Variants in TBC1D23 observed in about 807,000 individuals in gnomAD.
TBC1D23 encodes the protein TBC1 domain family member 23, also known as HCV non-structural protein 4A-transactivated protein 1.
Under a neutral mutation model 91.4 loss-of-function variants are expected in TBC1D23, and 55 were observed. The ratio of observed to expected loss-of-function variants is 0.60; its 90% confidence interval spans 0.48 to 0.75. The LOEUF (loss-of-function observed/expected upper bound fraction) is 0.75. Among genes scored for constraint, TBC1D23 ranks in the 30% least tolerant of loss-of-function variants. TBC1D23 has a pLI of 0.00. For synonymous variants in TBC1D23, 289 were observed against 281.0 expected (o/e 1.03, Z -0.28); for missense variants, 725 against 836.1 (o/e 0.87, Z 1.64).
At chr3:100,261,210 C>A in intron 1 of TBC1D23, 139 bp downstream of exon 1, 1 of 769,572 alleles carries the variant, frequency 1.3e-6, no homozygotes, top group Non-Finnish European at 2.1e-6. Context: ...CTGCCCTACC[C>A]CTCTGCCAGC....
At chr3:100,314,294 C>T (rs1302672533) in intron 15 of TBC1D23, among the ~76,000 whole-genome samples, 1 of 151,896 alleles carries the variant, frequency 6.6e-6, no homozygotes, top group African/African-American at 2.4e-5. Context: ...GACGGGGTTT[C>T]ACCATGTTAG....
At chr3:100,265,339 A>G (rs974046058) in intron 1 of TBC1D23, among the ~76,000 whole-genome samples, 2 of 152,226 alleles carry the variant, frequency 1.3e-5, no homozygotes, top group African/African-American at 2.4e-5. Flanking sequence ...TGGAAAGCCA[A>G]AGTAATCAGA....
At chr3:100,293,426 C>T (rs2067810478) in intron 5 of TBC1D23, among the ~76,000 whole-genome samples, 1 of 152,172 alleles carries the variant, frequency 6.6e-6, no homozygotes, top group Non-Finnish European at 1.5e-5. Context: ...AGCCACTGTG[C>T]CTGGCCTCAG....
chr3:100,291,556 C>T (rs145763671), intron 5 of TBC1D23, among the ~76,000 whole-genome samples: 1 of 147,330 alleles, frequency 6.8e-6, no homozygotes. Context: ...GCACTCCAGC[C>T]TGGGCAACAG....
At chr3:100,294,648 AC>A (rs2067822064) in intron 5 of TBC1D23, among the ~76,000 whole-genome samples, 1 of 152,184 alleles carries the variant, frequency 6.6e-6, no homozygotes, top group Non-Finnish European at 1.5e-5. Flanking sequence ...CTCTTAAATT[AC>A]CACGTTTGAT....
At position 100,305,871 on chromosome 3, in the gene TBC1D23, C is replaced by T. The variant is rs978123940; in HGVS notation, c.1307-566C>T. Among the ~76,000 whole-genome samples the T allele has an allele frequency of 2.6e-5, 4 of 152,022 alleles. No individual in the cohort carries two copies. The South Asian group carries it at 6.2e-4, about 24-fold the overall frequency. Reference sequence around the variant, plus strand: ...TGTTATTTATTAGGAATCCTGGTAACGATATAAAACTTGATTATTAAGCTT... The same window carrying T: ...TGTTATTTATTAGGAATCCTGGTAATGATATAAAACTTGATTATTAAGCTT... On this transcript the variant is annotated intron_variant, in intron 12 of 18. Coordinates refer to ENST00000394144, the MANE Select transcript of TBC1D23 (RefSeq NM_001199198.3).
At chr3:100,309,713 G>A (rs922546832) in intron 13 of TBC1D23, among the ~76,000 whole-genome samples, 1 of 149,220 alleles carries the variant, frequency 6.7e-6, no homozygotes, top group Non-Finnish European at 1.5e-5. Flanking sequence ...ACAGGTTCAA[G>A]CAGTTCTCTG....
chr3:100,272,586 A>G (rs967210392), intron 1 of TBC1D23, among the ~76,000 whole-genome samples: 1 of 152,208 alleles, frequency 6.6e-6, no homozygotes, highest in Non-Finnish European at 1.5e-5. Flanking sequence ...GACAAAGTAT[A>G]GAGAAAAAAA....
At chr3:100,269,142 C>T (rs532836259) in intron 1 of TBC1D23, among the ~76,000 whole-genome samples, 3 of 152,152 alleles carry the variant, frequency 2.0e-5, no homozygotes, top group African/African-American at 7.2e-5. Context: ...GATCTCTAGC[C>T]CTTTTGCCTA....
Position 100,324,558 on chromosome 3 carries a change from C to T in TBC1D23, c.*890C>T, listed in dbSNP as rs1705919973. 6.6e-6 allele frequency: 1 copy of T among 152,146 alleles called. No homozygotes were observed. Among genetic ancestry groups the T allele is most frequent in the African/African-American group, 2.4e-5 (1 of 41,436 alleles). 9.4% of individuals were successfully genotyped at this position (152,146 alleles called of 1,614,324 possible). ...TCCACTTATATAAATGCCAAATAAT[C>T]AGAGAGCTTATAAAGTACAATTGTT... On this transcript the variant is annotated 3_prime_UTR_variant, in exon 19 of 19. Transcript: ENST00000394144.
chr3:100,315,989 G>A (rs1337207991), intron 15 of TBC1D23, 110 bp from the exon 16 acceptor site: 3 of 822,326 alleles, frequency 3.6e-6, no homozygotes, highest in Admixed American at 2.0e-5. Context: ...GTTTTGGGGG[G>A]GTCAGGTAAG....
chr3:100,285,168 G>A (rs2067729446), intron 4 of TBC1D23, among the ~76,000 whole-genome samples: 1 of 152,032 alleles, frequency 6.6e-6, no homozygotes, highest in South Asian at 2.1e-4. Context: ...ATTTTAATGT[G>A]TACAATTCAC....
intron 9 of TBC1D23, 64 bp from the exon 10 acceptor site, chr3:100,299,175 A>G: frequency 1.9e-6 from 2 of 1,058,258 alleles, no homozygotes; most frequent in Admixed American, 3.6e-5. Context: ...AACTGTGAAT[A>G]TTATGTTGTG....
intron 4 of TBC1D23, among the ~76,000 whole-genome samples, chr3:100,285,816 A>G (rs1362694838): frequency 1.3e-5 from 2 of 152,194 alleles, no homozygotes; most frequent in African/African-American, 2.4e-5. Context: ...CTAATGGCTA[A>G]TGATGTTGAG....
In TBC1D23 at chr3:100,299,348, A is replaced by T; in HGVS notation, c.1092+17A>T. ...TCAGACCTGGTTAGTATAAATGCTG[A>T]TTAATTATTCTTAAAGTAACTTTTT... On this transcript the variant is annotated intron_variant, in intron 10 of 18. Transcript: ENST00000394144. The T allele has an allele frequency of 2.7e-6, 4 of 1,484,162 alleles. No homozygotes were observed. The South Asian group carries it at 4.8e-5, about 18-fold the overall frequency. 91.9% of individuals were successfully genotyped at this position (1,484,162 alleles called of 1,614,324 possible).
chr3:100,292,924 T>G (rs2067804346), intron 5 of TBC1D23, among the ~76,000 whole-genome samples: 1 of 151,968 alleles, frequency 6.6e-6, no homozygotes, highest in African/African-American at 2.4e-5. Flanking sequence ...TTCTCTGAGA[T>G]TCATATGTTG....
intron 4 of TBC1D23, chr3:100,284,070 A>G (rs2067720091): frequency 2.6e-6 from 1 of 382,624 alleles, no homozygotes; most frequent in East Asian, 4.2e-5. Context: ...TTAGGTCAAA[A>G]GGATACAAAA....
intron 1 of TBC1D23, among the ~76,000 whole-genome samples, chr3:100,279,124 G>A (rs1308235491): frequency 6.6e-6 from 1 of 152,026 alleles, no homozygotes; most frequent in Non-Finnish European, 1.5e-5. Flanking sequence ...CCATAATACT[G>A]GTAAACACCT....
intron 1 of TBC1D23, among the ~76,000 whole-genome samples, chr3:100,276,244 A>G (rs148549026): frequency 2.9e-4 from 44 of 152,104 alleles, no homozygotes; most frequent in African/African-American, 9.2e-4. Flanking sequence ...GAATTTAGAA[A>G]AATGTTAGTA....
Sources: allele counts gnomAD v4.1 joint callset (sites outside exome capture counted in the v4.1 genomes callset), GRCh38; gene constraint gnomAD v4.1.1; transcripts MANE v1.5; gene names NCBI Gene and HGNC (gene_info 2026-07-23, HGNC 2026-07-21).